MFN2: variants seen among roughly 807,000 people sequenced by gnomAD.
MFN2 encodes the protein mitofusin 2, also known as mitofusin-2.
A neutral mutation model predicts 87.5 loss-of-function variants in MFN2; 43 were observed. The ratio of observed to expected loss-of-function variants is 0.49; its 90% CI spans 0.38 to 0.63. The LOEUF (loss-of-function observed/expected upper bound fraction) is 0.63, where lower values mean the gene tolerates loss of function less well. Among genes scored for constraint, MFN2 ranks in the 30% least tolerant of loss-of-function variants. MFN2 has a pLI of 0.00. For synonymous variants in MFN2, 337 were observed against 359.9 expected, an observed-to-expected ratio of 0.94 and a Z score of 0.72; for missense variants, 743 against 972.8, an observed-to-expected ratio of 0.76 and a Z score of 3.14.
chr1:11,987,285 TG>T (rs1638457234), intron 2 of MFN2, among the ~76,000 whole-genome samples: 1 of 147,468 alleles, frequency 6.8e-6, no homozygotes, highest in Non-Finnish European at 1.5e-5. Context: ...GCACCCAGCC[TG>T]GGTGACAAAA....
At chr1:11,992,724 C>T in intron 4 of MFN2, 34 bp downstream of exon 4, 3 of 1,614,106 alleles carry the variant, frequency 1.9e-6, no homozygotes, top group Non-Finnish European at 2.5e-6. Context: ...TTTCTTTCTT[C>T]CTGGCTAGGA....
chr1:11,981,941 G>C (rs1361786569), intron 1 of MFN2, 29 bp from the exon 2 acceptor site: 1 of 128,530 alleles, frequency 7.8e-6, no homozygotes, highest in Non-Finnish European at 1.6e-5. Flanking sequence ...TTGGACACCG[G>C]ATCCATCTCC....
intron 17 of MFN2, 35 bp downstream of exon 17, chr1:12,007,284 C>A (rs751440940): frequency 1.2e-6 from 2 of 1,605,540 alleles, no homozygotes; most frequent in South Asian, 2.2e-5. Flanking sequence ...CAGGGGACTT[C>A]CTTTAGGCAG....
rs1639056984 is a variant in MFN2 at position 11,999,029 on chromosome 1, G to A, written c.750G>A (p.Arg250=). Residue 250 remains arginine (R), a synonymous_variant, in exon 8 of 19, where the codon CGG becomes CGA. Transcript: ENST00000235329. ...FFHKVSERLS[R]PNIFILNNRW... Reference sequence around the variant, plus strand: ...ACAAGGTGAGTGAGCGTCTCTCCCGGCCAAACATCTTCATCCTGAACAACC... The same window carrying A: ...ACAAGGTGAGTGAGCGTCTCTCCCGACCAAACATCTTCATCCTGAACAACC... 1 of 1,614,136 alleles carries A rather than the reference G, an allele frequency of 6.2e-7. No individual in the cohort carries two copies. The highest frequency in any genetic ancestry group is 8.5e-7 in the Non-Finnish European group (1 of 1,180,020).
At chr1:11,992,187 C>G (rs141016910) in intron 3 of MFN2, 1 of 274,304 alleles carries the variant, frequency 3.6e-6, no homozygotes, top group Non-Finnish European at 7.1e-6. Context: ...CTTCTACCAG[C>G]CGCCATTCAC....
At chr1:12,006,310 G>A (rs141144532) in intron 15 of MFN2, among the ~76,000 whole-genome samples, 1 of 152,324 alleles carries the variant, frequency 6.6e-6, no homozygotes, top group African/African-American at 2.4e-5. Flanking sequence ...CACACTCGGG[G>A]AAGCTGCCAG....
intron 4 of MFN2, 91 bp from the exon 5 acceptor site, chr1:11,996,065 G>T: frequency 6.5e-7 from 1 of 1,538,260 alleles, no homozygotes; most frequent in South Asian, 1.1e-5. Context: ...GCACTGAATA[G>T]GGCTTTGGCC....
chr1:11,992,747 C>T, intron 4 of MFN2, 57 bp downstream of exon 4: 1 of 1,611,954 alleles, frequency 6.2e-7, no homozygotes, highest in East Asian at 2.2e-5. Flanking sequence ...GAGGGAGGCA[C>T]TTTGTGCAAG....
At chr1:12,006,045 G>A (rs1358542631) in intron 15 of MFN2, 114 bp downstream of exon 15, 15 of 951,806 alleles carry the variant, frequency 1.6e-5, no homozygotes, top group Middle Eastern at 3.1e-4. Flanking sequence ...CTGTGGTGGT[G>A]TGCCCCACCA....
In MFN2 at chr1:11,992,618, G is replaced by C. The variant is rs139827903; in HGVS notation, c.239G>C (p.Gly80Ala). ...TTEEQVLDVK[G>A]YLSKVRGISE... ...GAAGAACAGGTTCTGGACGTCAAAGGTTACCTATCCAAAGTGAGAGGCATC... is the reference window on the plus strand; with the variant it reads ...GAAGAACAGGTTCTGGACGTCAAAGCTTACCTATCCAAAGTGAGAGGCATC... Residue 80 changes from glycine to alanine, a missense_variant, in exon 4 of 19, where the codon GGT becomes GCT. By Grantham distance (60) the Gly-to-Ala change is moderately conservative (BLOSUM62 0). Transcript: ENST00000235329. The C allele has an allele frequency of 1.2e-6, 2 of 1,614,050 alleles. No individual in the cohort carries two copies. The highest frequency in any genetic ancestry group is 2.7e-5 in the African/African-American group (2 of 74,910).
intron 4 of MFN2, among the ~76,000 whole-genome samples, chr1:11,993,290 C>T (rs144361130): frequency 6.6e-6 from 1 of 151,376 alleles, no homozygotes; most frequent in African/African-American, 2.4e-5. Flanking sequence ...GAATTTAATA[C>T]ACGTGTTCTT....
intron 2 of MFN2, chr1:11,982,698 G>A (rs4240897): frequency 0.43 from 65,170 of 151,950 alleles, 14,402 homozygotes; most frequent in East Asian, 0.55. Context: ...ACTCCTCAAC[G>A]AATAGCCTAG....
intron 2 of MFN2, among the ~76,000 whole-genome samples, chr1:11,983,226 C>T (rs1287323121): frequency 2.0e-5 from 3 of 152,140 alleles, no homozygotes; most frequent in Non-Finnish European, 4.4e-5. Context: ...TGCATGCTGC[C>T]ATGCCTGGCT....
chr1:11,984,782 C>G (rs1480651322), intron 2 of MFN2, among the ~76,000 whole-genome samples: 1 of 152,206 alleles, frequency 6.6e-6, no homozygotes, highest in Non-Finnish European at 1.5e-5. Flanking sequence ...TTGTGGATAG[C>G]TGAACACACG....
At chr1:11,998,161 C>T (rs994693415) in intron 6 of MFN2, among the ~76,000 whole-genome samples, 6 of 151,864 alleles carry the variant, frequency 4.0e-5, no homozygotes, top group South Asian at 2.1e-4. Flanking sequence ...GGATTACGGG[C>T]ATGAGCCACT....
At chr1:11,999,960 G>T (rs1022408144) in intron 8 of MFN2, among the ~76,000 whole-genome samples, 2 of 151,602 alleles carry the variant, frequency 1.3e-5, no homozygotes, top group African/African-American at 4.8e-5. Flanking sequence ...CGGGTGTGAT[G>T]GTGGCAGGCG....
chr1:11,981,712 G>A (rs1187650809), intron 1 of MFN2: 1 of 152,320 alleles, frequency 6.6e-6, no homozygotes, highest in Non-Finnish European at 1.5e-5. Flanking sequence ...CTTTCCCAGG[G>A]CTCCTGCAGG....
rs190222160 is a variant in MFN2 at position 11,994,507 on chromosome 1, A to G, written c.312-1649A>G. 1.7e-3 allele frequency among the ~76,000 whole-genome samples: 252 copies of G among 151,786 alleles called. 2 individuals are homozygous for G. Among genetic ancestry groups the G allele is most frequent in the African/African-American group, 5.8e-3 (238 of 41,382 alleles). Reference sequence around the variant, plus strand: ...TGGGAGGCTGAGGCAGGAGAATGGCATGAACCCAGGAGGTGGAGGTTGCAG... The same window carrying G: ...TGGGAGGCTGAGGCAGGAGAATGGCGTGAACCCAGGAGGTGGAGGTTGCAG... On this transcript the variant is annotated intron_variant, in intron 4 of 18. Coordinates refer to ENST00000235329, the MANE Select transcript of MFN2 (RefSeq NM_014874.4).
chr1:12,009,704 C>A lies in MFN2; in HGVS notation c.2182C>A (p.Gln728Lys), dbSNP rs761544980. The A allele has an allele frequency of 5.0e-6, 8 of 1,614,242 alleles. No homozygotes were observed. In the Admixed American group the frequency reaches 1.0e-4, roughly 20 times the overall value. ...NKKIEVLDSL[Q>K]SKAKLLRNKA... ...GAAAATTGAGGTTCTTGACTCACTT[C>A]AGAGCAAAGCAAAGCTGCTCAGGTG... The change falls in exon 18 of 19, where the codon CAG becomes AAG. Residue 728 changes from glutamine to lysine, a missense_variant. Physicochemically the swap from Gln to Lys is moderately conservative, Grantham distance 53. This residue lies in a region of MFN2 where 571 missense variants were observed against 670.7 expected (regional missense o/e 0.85). Transcript: ENST00000235329.
Sources: allele counts gnomAD v4.1 joint callset (sites outside exome capture counted in the v4.1 genomes callset), GRCh38; gene constraint gnomAD v4.1.1; regional missense constraint gnomAD v4.1.1; transcripts MANE v1.5; gene names NCBI Gene and HGNC (gene_info 2026-07-23, HGNC 2026-07-21).